Variants in HDAC8 observed in about 807,000 individuals in gnomAD.
HDAC8 encodes the protein histone deacetylase-like 1.
In HDAC8, 1 loss-of-function variant was observed where a neutral mutation model predicts 32.2. That is an observed-to-expected ratio of 0.03 (90% CI 0.01 to 0.15). The LOEUF (loss-of-function observed/expected upper bound fraction) is 0.15, where lower values mean the gene tolerates loss of function less well. HDAC8 is among the 10% of genes least tolerant of loss of function. HDAC8 has a pLI of 1.00. For missense variants in HDAC8, 117 were observed against 300.0 expected (o/e 0.39, Z 4.51); for synonymous variants, 108 against 113.9 (o/e 0.95, Z 0.33).
At chrX:72,437,742 G>A (rs782208553) in intron 9 of HDAC8, among the ~76,000 whole-genome samples, 38 of 112,062 alleles carry the variant, frequency 3.4e-4, no homozygotes, top group African/African-American at 1.2e-3. Context: ...TGAACTGGGT[G>A]GAGACCACCA....
chrX:72,476,014 G>A (rs183491667), intron 7 of HDAC8, among the ~76,000 whole-genome samples: 1 of 110,924 alleles, frequency 9.0e-6, no homozygotes. Flanking sequence ...CATCAATTAC[G>A]TGTCACCTTG....
chrX:72,491,980 A>G (rs2048884773), intron 5 of HDAC8, among the ~76,000 whole-genome samples: 1 of 112,252 alleles, frequency 8.9e-6, no homozygotes, highest in Admixed American at 9.4e-5. Context: ...CTTTAAAAAA[A>G]TATTAACTCT....
intron 4 of HDAC8, among the ~76,000 whole-genome samples, chrX:72,550,534 C>T (rs1164785408): frequency 9.9e-5 from 11 of 110,722 alleles, no homozygotes; most frequent in Admixed American, 1.9e-4. Flanking sequence ...CACACAAACA[C>T]ATACATACAT....
At chrX:72,550,265 C>T (rs1237644223) in intron 4 of HDAC8, among the ~76,000 whole-genome samples, 3 of 110,465 alleles carry the variant, frequency 2.7e-5, no homozygotes, top group Non-Finnish European at 5.7e-5. Context: ...TATACCTCTC[C>T]AAACTTATCT....
At chrX:72,444,813 C>A (rs1218417257) in intron 9 of HDAC8, among the ~76,000 whole-genome samples, 8 of 107,219 alleles carry the variant, frequency 7.5e-5, no homozygotes, top group Admixed American at 5.0e-4. Context: ...AAATCTCCTT[C>A]AGCTGATAAG....
chrX:72,470,304 A>G (rs1283323857), intron 7 of HDAC8, among the ~76,000 whole-genome samples: 1 of 111,330 alleles, frequency 9.0e-6, no homozygotes. Flanking sequence ...TTTGTTGTGT[A>G]TCTTTCTAGA....
chrX:72,387,217 C>T (rs782236662), intron 9 of HDAC8, among the ~76,000 whole-genome samples: 44 of 112,033 alleles, frequency 3.9e-4, no homozygotes, highest in Non-Finnish European at 7.9e-4. Context: ...ATGGTTGGGG[C>T]AGGGAGAAGC....
At chrX:72,530,610 A>G (rs1171190269) in intron 4 of HDAC8, among the ~76,000 whole-genome samples, 1 of 111,019 alleles carries the variant, frequency 9.0e-6, no homozygotes, top group African/African-American at 3.3e-5. Context: ...AAGCCTTGAG[A>G]ACGCTGAGCA....
At chrX:72,462,692 C>A (rs1383555546) in intron 8 of HDAC8, among the ~76,000 whole-genome samples, 6 of 111,541 alleles carry the variant, frequency 5.4e-5, no homozygotes, top group African/African-American at 2.0e-4. Context: ...GATGCTCTGA[C>A]CCATCTCGTC....
chrX:72,338,602 T>C (rs926575484), intron 10 of HDAC8, among the ~76,000 whole-genome samples: 45 of 104,178 alleles, frequency 4.3e-4, no homozygotes, highest in African/African-American at 1.5e-3. Context: ...TTAGGAATGT[T>C]TTTATATCTA....
Position 72,420,717 on chromosome X carries a change from G to A in HDAC8, c.1005+41287C>T, listed in dbSNP as rs2046464308. Among the ~76,000 whole-genome samples, 3 of 111,719 alleles carry A rather than the reference G, an allele frequency of 2.7e-5. No individual in the cohort carries two copies. The Admixed American group carries it at 2.8e-4, about 11-fold the overall frequency. On this transcript the variant is annotated intron_variant, in intron 9 of 10. Coordinates refer to ENST00000373573, the MANE Select transcript of HDAC8 (RefSeq NM_018486.3). ...CTCAATCAATTGATCAGTACATAACGTCTGACTTTGACTTTTATAACATTT... is the reference window on the plus strand; with the variant it reads ...CTCAATCAATTGATCAGTACATAACATCTGACTTTGACTTTTATAACATTT...
At chrX:72,506,928 C>T (rs546664198) in intron 4 of HDAC8, among the ~76,000 whole-genome samples, 7 of 110,807 alleles carry the variant, frequency 6.3e-5, no homozygotes, top group African/African-American at 9.8e-5. Context: ...CTCAGTTGAC[C>T]GCAACCTCCA....
chrX:72,560,811 G>A (rs1157702400), intron 4 of HDAC8, among the ~76,000 whole-genome samples: 4 of 108,947 alleles, frequency 3.7e-5, no homozygotes, highest in Non-Finnish European at 7.6e-5. Flanking sequence ...CAACCATATG[G>A]TTTGTTTTTT....
intron 7 of HDAC8, among the ~76,000 whole-genome samples, chrX:72,483,739 C>T (rs936457089): frequency 7.2e-5 from 8 of 111,830 alleles, no homozygotes; most frequent in Non-Finnish European, 1.5e-4. Flanking sequence ...GCCTAAAATA[C>T]CACTGACATA....
intron 9 of HDAC8, among the ~76,000 whole-genome samples, chrX:72,429,900 T>C (rs1254373849): frequency 8.9e-6 from 1 of 111,991 alleles, no homozygotes; most frequent in Non-Finnish European, 1.9e-5. Context: ...CTCTTCCAGG[T>C]GCAGAAATGA....
intron 9 of HDAC8, among the ~76,000 whole-genome samples, chrX:72,408,621 G>C (rs1447171532): frequency 4.5e-5 from 5 of 111,614 alleles, no homozygotes; most frequent in African/African-American, 1.6e-4. Flanking sequence ...GGCCAGGCTG[G>C]TCTCGAACTC....
intron 7 of HDAC8, among the ~76,000 whole-genome samples, chrX:72,479,738 C>T (rs115712674): frequency 0.02 from 2,247 of 112,448 alleles, 54 homozygotes; most frequent in African/African-American, 0.067. Context: ...TCATAAAAGA[C>T]ATCAGTTGAG....
chrX:72,329,859 G>A lies in HDAC8; in HGVS notation c.*195C>T. On this transcript the variant is annotated 3_prime_UTR_variant, in exon 11 of 11. Coordinates refer to ENST00000373573, the MANE Select transcript of HDAC8 (RefSeq NM_018486.3). The stretch of plus-strand genomic sequence containing the variant: ...ATATCTCCTTCTTCCCCTAGGTCCA[G>A]TTGAGGACTCTGGGGTGCCTGCCTC... 5.6e-6 allele frequency: 5 copies of A among 887,422 alleles called. No individual in the cohort carries two copies. Among genetic ancestry groups the A allele is most frequent in the Non-Finnish European group, 7.9e-6 (5 of 631,142 alleles). The allele number at this position is 887,422 out of a possible 1,213,427, so 73.1% of individuals were successfully genotyped here. A position where few individuals can be genotyped will look rare whatever the true frequency, so the allele number is the denominator to read the frequency against.
chrX:72,549,781 T>C (rs956302111), intron 4 of HDAC8, among the ~76,000 whole-genome samples: 5 of 111,979 alleles, frequency 4.5e-5, no homozygotes, highest in Non-Finnish European at 9.4e-5. Context: ...CTATCTATTG[T>C]ATCTACTAAA....
Sources: gnomAD v4.1 joint callset for allele counts (sites outside exome capture counted in the v4.1 genomes callset) on GRCh38, gnomAD v4.1.1 for gene constraint, MANE v1.5 for transcripts, NCBI Gene and HGNC (gene_info 2026-07-23, HGNC 2026-07-21) for gene names.